Variants in KYNU observed in about 807,000 individuals in gnomAD.
The protein encoded by KYNU is L-kynurenine hydrolase.
KYNU carries 54 observed loss-of-function variants against 59.2 expected under a neutral mutation model. The ratio of observed to expected loss-of-function variants is 0.91; its 90% CI spans 0.73 to 1.14. The LOEUF is 1.14. Ranked by LOEUF, KYNU falls within the 50% of genes most tolerant of loss-of-function variation. The probability of loss-of-function intolerance (pLI) is 0.00; values close to 1 mark genes in which losing one functional copy is unlikely to be tolerated. For missense variants in KYNU, 567 were observed against 554.4 expected, an observed-to-expected ratio of 1.02 and a Z score of -0.23; for synonymous variants, 177 against 192.0, an observed-to-expected ratio of 0.92 and a Z score of 0.65.
intron 4 of KYNU, among the ~76,000 whole-genome samples, chr2:142,937,047 C>T (rs1210778483): frequency 6.6e-6 from 1 of 152,130 alleles, no homozygotes; most frequent in East Asian, 1.9e-4. Context: ...GTTTTATAGT[C>T]TCCTGTAAAC....
chr2:142,965,890 C>T (rs970847220), intron 8 of KYNU, among the ~76,000 whole-genome samples: 1 of 152,052 alleles, frequency 6.6e-6, no homozygotes, highest in Non-Finnish European at 1.5e-5. Flanking sequence ...CCTCTTTCCT[C>T]TTTCATTGCT....
At chr2:142,965,385 A>G (rs1684493951) in intron 8 of KYNU, among the ~76,000 whole-genome samples, 1 of 152,174 alleles carries the variant, frequency 6.6e-6, no homozygotes, top group African/African-American at 2.4e-5. Context: ...AGCTACAAGA[A>G]ACAAATGTTA....
Position 142,954,841 on chromosome 2 carries a change from T to A in KYNU, c.405T>A (p.Asn135Lys). 1 of 1,600,016 alleles carries A rather than the reference T, an allele frequency of 6.2e-7. No individual in the cohort carries two copies. The highest frequency in any genetic ancestry group is 1.1e-5 in the South Asian group (1 of 90,730). ...GANEKEIALM[N>K]ALTVNLHLLM... is the part of the protein sequence containing the mutation. ...ATGAGAAAGAAATAGCCCTAATGAA[T>A]GCTTTGACTGTAAATTTACATCTTC... is the stretch of plus-strand genomic sequence containing the variant. The change falls in exon 5 of 14, where the codon AAT becomes AAA. Residue 135 changes from asparagine to lysine, a missense_variant. Transcript: ENST00000264170.
At chr2:142,892,577 G>A (rs1474311373) in intron 2 of KYNU, among the ~76,000 whole-genome samples, 5 of 152,184 alleles carry the variant, frequency 3.3e-5, no homozygotes, top group South Asian at 4.1e-4. Flanking sequence ...AAATGAGTGC[G>A]TGTGGGTACC....
Position 142,918,584 on chromosome 2 carries a change from T to A in KYNU, c.170-25T>A, listed in dbSNP as rs568346550. 6.6e-6 allele frequency: 10 copies of A among 1,510,364 alleles called. No homozygotes were observed. The African/African-American group carries it at 1.4e-4, about 21-fold the overall frequency. 93.6% of individuals were successfully genotyped at this position (1,510,364 alleles called of 1,614,324 possible). A position where few individuals can be genotyped will look rare whatever the true frequency, so the allele number is the denominator to read the frequency against. ...TGAAAAAGCTTTTATTTTTTTTTTT[T>A]TTTTTGACATTTCTTCTGTTTCAGT... On this transcript the variant is annotated intron_variant, in intron 2 of 13. Coordinates refer to ENST00000264170, the MANE Select transcript of KYNU (RefSeq NM_003937.3).
chr2:142,999,924 C>T (rs774499704), intron 10 of KYNU, among the ~76,000 whole-genome samples: 1 of 152,046 alleles, frequency 6.6e-6, no homozygotes, highest in Non-Finnish European at 1.5e-5. Context: ...GTAGAGCATT[C>T]ATCTTACCAA....
At chr2:143,012,620 T>C (rs1290913553) in intron 10 of KYNU, among the ~76,000 whole-genome samples, 1 of 152,250 alleles carries the variant, frequency 6.6e-6, no homozygotes, top group Non-Finnish European at 1.5e-5. Context: ...TAACATGATG[T>C]ATGGGATACA....
intron 4 of KYNU, chr2:142,954,202 A>T (rs1380676720): frequency 1.3e-5 from 2 of 152,312 alleles, no homozygotes; most frequent in East Asian, 1.9e-4. Flanking sequence ...TGTAGTGGAT[A>T]TCTTACTTTT....
chr2:142,906,099 G>GTC (rs891242964), intron 2 of KYNU, among the ~76,000 whole-genome samples: 4 of 147,434 alleles, frequency 2.7e-5, no homozygotes, highest in African/African-American at 7.6e-5. Context: ...TCTCATCTCT[G>GTC]TCTCTCTCTC....
chr2:142,912,231 T>C (rs1282071917), intron 2 of KYNU, among the ~76,000 whole-genome samples: 1 of 152,130 alleles, frequency 6.6e-6, no homozygotes, highest in Non-Finnish European at 1.5e-5. Context: ...TGAAACTCTA[T>C]TGGAATGTTC....
intron 2 of KYNU, among the ~76,000 whole-genome samples, chr2:142,912,183 C>A (rs1682500824): frequency 2.0e-5 from 3 of 151,966 alleles, no homozygotes; most frequent in South Asian, 2.1e-4. Context: ...TGGCACAGGA[C>A]TTTTTTTGGT....
chr2:142,911,672 C>G (rs576703246), intron 2 of KYNU, among the ~76,000 whole-genome samples: 1 of 152,048 alleles, frequency 6.6e-6, no homozygotes, highest in Non-Finnish European at 1.5e-5. Flanking sequence ...GTATGATGTT[C>G]GCTGTGAGTT....
intron 4 of KYNU, among the ~76,000 whole-genome samples, chr2:142,944,273 G>T (rs1683702246): frequency 6.6e-6 from 1 of 152,156 alleles, no homozygotes; most frequent in South Asian, 2.1e-4. Context: ...AATTAGAAGT[G>T]CTGAAATACT....
intron 10 of KYNU, among the ~76,000 whole-genome samples, chr2:143,026,220 G>A (rs941699213): frequency 1.3e-5 from 2 of 152,088 alleles, no homozygotes; most frequent in Admixed American, 6.5e-5. Context: ...TAATCTTTTT[G>A]TATATATATT....
At chr2:142,980,443 T>C (rs2105146998) in intron 8 of KYNU, among the ~76,000 whole-genome samples, 1 of 152,184 alleles carries the variant, frequency 6.6e-6, no homozygotes, top group South Asian at 2.1e-4. Flanking sequence ...GCCCAGCAGG[T>C]CTCAGCCTTA....
intron 12 of KYNU, among the ~76,000 whole-genome samples, chr2:143,035,265 A>G (rs1009153718): frequency 6.6e-6 from 1 of 152,212 alleles, no homozygotes; most frequent in Admixed American, 6.5e-5. Context: ...TAAAACCCTA[A>G]AAGCCACAAG....
chr2:142,922,416 G>A (rs966190431), intron 3 of KYNU, among the ~76,000 whole-genome samples: 1 of 152,032 alleles, frequency 6.6e-6, no homozygotes, highest in Non-Finnish European at 1.5e-5. Flanking sequence ...GAGGTGGGAG[G>A]ATCGCTTGAG....
chr2:142,956,071 A>G (rs1386299029), intron 5 of KYNU, 132 bp from the exon 6 acceptor site: 1 of 582,700 alleles, frequency 1.7e-6, no homozygotes, highest in Admixed American at 3.0e-5. Context: ...GGTAGTCCTG[A>G]CAAACACTTA....
intron 8 of KYNU, among the ~76,000 whole-genome samples, chr2:142,972,813 T>TATATAGAGAGAG (rs1478067181): frequency 1.2e-4 from 15 of 124,222 alleles, no homozygotes; most frequent in East Asian, 7.3e-4. Flanking sequence ...TATATATATA[T>TATATAGAGAGAG]AGAGAGAGAG....
Sources: gnomAD v4.1 joint callset for allele counts (sites outside exome capture counted in the v4.1 genomes callset) on GRCh38, gnomAD v4.1.1 for gene constraint, MANE v1.5 for transcripts, NCBI Gene and HGNC (gene_info 2026-07-23, HGNC 2026-07-21) for gene names.